Variants in GNAS observed in about 807,000 individuals in gnomAD.
GNAS encodes protein ALEX.
A neutral mutation model predicts 54.5 loss-of-function variants in GNAS; 8 were observed. That is an observed-to-expected ratio of 0.15 (90% confidence interval 0.09 to 0.26). GNAS has a LOEUF of 0.26. Among genes scored for constraint, GNAS ranks in the 10% least tolerant of loss-of-function variants. The pLI, the probability that GNAS is intolerant of heterozygous loss-of-function variation, is 1.00. For synonymous variants in GNAS, 204 were observed against 191.4 expected (o/e 1.07, Z -0.54); for missense variants, 170 against 529.8 (o/e 0.32, Z 6.67).
chr20:58,910,405 A>C lies in GNAS; in HGVS notation c.1038+4A>C, dbSNP rs1329605674. ...CTTCATTCGAGATGAGTTTCTGGTG[A>C]GTCGAGCCTGTCTTTAGTTTCCTCT... On this transcript the variant is annotated splice_donor_region_variant and intron_variant, in intron 12 of 12. Coordinates refer to ENST00000371085, the MANE Select transcript of GNAS (RefSeq NM_000516.7). This position sits in a 1 kb window ranked among gnomAD's most constrained non-coding sequence, Gnocchi z 5.8. 6.2e-7 allele frequency: 1 copy of C among 1,605,360 alleles called. No individual in the cohort carries two copies. The highest frequency in any genetic ancestry group is 1.1e-5 in the South Asian group (1 of 90,906).
chr20:58,854,928 T>A, intron 1 of GNAS: 1 of 1,601,940 alleles, frequency 6.2e-7, no homozygotes, highest in Non-Finnish European at 8.5e-7. Context: ...GCGGGGCAAG[T>A]CCGAGAGCAG....
In GNAS at chr20:58,853,555, C is replaced by T; in HGVS notation, c.43+12669C>T. 1 of 1,613,322 alleles carries T rather than the reference C, an allele frequency of 6.2e-7. No homozygotes were observed. On this transcript the variant is annotated intron_variant, in intron 1 of 12. Coordinates refer to the GNAS transcript ENST00000306090. The surrounding 1 kb of genome is among the most constrained non-coding windows in gnomAD (Gnocchi z 4.4). ...GGAGCCCATGGAAGCTACAGCCCACCTCCTGAGGAAGCAATGCCCTTCGAG... is the reference window on the plus strand; with the variant it reads ...GGAGCCCATGGAAGCTACAGCCCACTTCCTGAGGAAGCAATGCCCTTCGAG...
chr20:58,889,117 C>T (rs2088835725), upstream of GNAS: 2 of 1,168,958 alleles, frequency 1.7e-6, no homozygotes, highest in Non-Finnish European at 2.2e-6. Context: ...TGGGTCGGTC[C>T]TCTGAAGAGG....
intron 1 of GNAS, among the ~76,000 whole-genome samples, chr20:58,850,138 C>A (rs2086099757): frequency 6.6e-6 from 1 of 152,178 alleles, no homozygotes; most frequent in Non-Finnish European, 1.5e-5. Context: ...CCCACTACCA[C>A]CTTCTATTCA....
In GNAS at chr20:58,910,664, C is replaced by T; in HGVS notation, c.1039-19C>T. 1 of 1,613,914 alleles carries T rather than the reference C, an allele frequency of 6.2e-7. No individual in the cohort carries two copies. The highest frequency in any genetic ancestry group is 8.5e-7 in the Non-Finnish European group (1 of 1,179,880). On this transcript the variant is annotated intron_variant, in intron 12 of 12. Transcript: ENST00000371085. This position sits in a 1 kb window ranked among gnomAD's most constrained non-coding sequence, Gnocchi z 5.8. The stretch of plus-strand genomic sequence containing the variant: ...CTGGCGAGGGTGTCACTGACAAGTC[C>T]CCTTGTTTGTGCCCGCAGAGGATCA...
chr20:58,910,506 G>T lies in GNAS; in HGVS notation c.1038+105G>T. The T allele has an allele frequency of 8.6e-7, 1 of 1,157,776 alleles. No individual in the cohort carries two copies. The highest frequency in any genetic ancestry group is 1.2e-5 in the South Asian group (1 of 80,608). 71.7% of individuals were successfully genotyped at this position (1,157,776 alleles called of 1,614,324 possible). A position where few individuals can be genotyped will look rare whatever the true frequency, so the allele number is the denominator to read the frequency against. On this transcript the variant is annotated intron_variant, in intron 12 of 12. Transcript: ENST00000371085. The surrounding 1 kb of genome is among the most constrained non-coding windows in gnomAD (Gnocchi z 5.8). The stretch of plus-strand genomic sequence containing the variant: ...CAGGGGTTCAGCTACCCAGTTCCAT[G>T]GTTTTAGTTCACGCACATCCAGTGT...
At chr20:58,904,870 G>A (rs77122853) in intron 5 of GNAS, among the ~76,000 whole-genome samples, 7,367 of 152,234 alleles carry the variant, frequency 0.048, 237 homozygotes, top group Non-Finnish European at 0.075. Flanking sequence ...AAATGTATCA[G>A]AACAATAACT....
At position 58,870,748 on chromosome 20, in the gene GNAS, T is replaced by C. The variant is rs78042089; in HGVS notation, c.44-24864T>C. Among the ~76,000 whole-genome samples the C allele has an allele frequency of 7.1e-3, 1,085 of 152,270 alleles. 14 individuals are homozygous for C. The highest frequency in any genetic ancestry group is 9.2e-3 in the Non-Finnish European group (623 of 68,012). ...GCGCCAGACGCACAAATCCCTCCCT[T>C]AGAGGGAACCACACCCTCTTAGAAC... is the stretch of plus-strand genomic sequence containing the variant. On this transcript the variant is annotated intron_variant, in intron 1 of 12. Coordinates refer to the GNAS transcript ENST00000306090.
chr20:58,859,172 G>T (rs551583617), intron 1 of GNAS, among the ~76,000 whole-genome samples: 1 of 152,296 alleles, frequency 6.6e-6, no homozygotes, highest in African/African-American at 2.4e-5. Flanking sequence ...TTAGTAACCA[G>T]TAATAATAAT....
chr20:58,881,949 T>G (rs2088249649), intron 1 of GNAS, among the ~76,000 whole-genome samples: 1 of 152,218 alleles, frequency 6.6e-6, no homozygotes, highest in Admixed American at 6.5e-5. Flanking sequence ...AGAGCTGAAT[T>G]GTAGGACAAA....
chr20:58,887,916 T>G (rs189614664), upstream of GNAS, among the ~76,000 whole-genome samples: 36 of 152,324 alleles, frequency 2.4e-4, no homozygotes, highest in African/African-American at 8.7e-4. Context: ...TCACACCTTT[T>G]CTTACTCGAA....
intron 1 of GNAS, among the ~76,000 whole-genome samples, chr20:58,877,202 G>A (rs1258233965): frequency 6.6e-6 from 1 of 152,040 alleles, no homozygotes; most frequent in Non-Finnish European, 1.5e-5. Context: ...AAAGGAGGGG[G>A]CTCTGAAAGA....
chr20:58,877,774 T>A (rs1175605335), intron 1 of GNAS, among the ~76,000 whole-genome samples: 2 of 152,334 alleles, frequency 1.3e-5, no homozygotes, highest in African/African-American at 2.4e-5. Flanking sequence ...TTGCCGGTAA[T>A]CCCTGCTCTG....
intron 1 of GNAS, among the ~76,000 whole-genome samples, chr20:58,858,329 CG>C (rs1379679166): frequency 6.6e-6 from 1 of 151,514 alleles, no homozygotes; most frequent in African/African-American, 2.4e-5. Context: ...TTTTTATTGC[CG>C]GGACAATTTA....
chr20:58,897,207 CACCA>C (rs2090147216), intron 2 of GNAS, among the ~76,000 whole-genome samples: 2 of 152,178 alleles, frequency 1.3e-5, no homozygotes, highest in Admixed American at 6.5e-5. Context: ...CATCACTTGT[CACCA>C]ACCAATTCCG....
At chr20:58,871,045 C>T (rs1600810108) in intron 1 of GNAS, among the ~76,000 whole-genome samples, 1 of 152,182 alleles carries the variant, frequency 6.6e-6, no homozygotes, top group South Asian at 2.1e-4. Flanking sequence ...CACAAACACA[C>T]ACTACAGGAC....
At chr20:58,855,983 G>T (rs1376311567) in intron 1 of GNAS, 4 of 273,468 alleles carry the variant, frequency 1.5e-5, no homozygotes, top group Non-Finnish European at 2.8e-5. Flanking sequence ...ACCTGCGCCC[G>T]GGCGCTCTGC....
chr20:58,867,174 G>A (rs2087116352), intron 1 of GNAS, among the ~76,000 whole-genome samples: 1 of 152,204 alleles, frequency 6.6e-6, no homozygotes, highest in African/African-American at 2.4e-5. Flanking sequence ...ATCTTTCCAA[G>A]CAAATGCTTA....
chr20:58,886,240 GGAAA>G (rs1432784746), intron 1 of GNAS, among the ~76,000 whole-genome samples: 16 of 152,176 alleles, frequency 1.1e-4, no homozygotes, highest in Non-Finnish European at 1.5e-5. Context: ...ATGGAATGTT[GGAAA>G]GAAATGTTTC....
Sources: gnomAD v4.1 joint callset for allele counts (sites outside exome capture counted in the v4.1 genomes callset) on GRCh38, gnomAD v4.1.1 for gene constraint, Gnocchi (gnomAD v3.1) non-coding constraint, MANE v1.5 for transcripts, NCBI Gene and HGNC (gene_info 2026-07-23, HGNC 2026-07-21) for gene names.